Variants in KNL1 observed in about 807,000 individuals in gnomAD.
The protein encoded by KNL1 is outer kinetochore KNL1 complex subunit KNL1.
In KNL1, 66 loss-of-function variants were observed where a neutral mutation model predicts 201.3. That is an observed-to-expected ratio of 0.33 (90% CI 0.27 to 0.40). The LOEUF is 0.40. Among genes scored for constraint, KNL1 ranks in the 10% least tolerant of loss-of-function variants. The probability of loss-of-function intolerance (pLI) is 1.00; values close to 1 mark genes in which losing one functional copy is unlikely to be tolerated. For synonymous variants in KNL1, 895 were observed against 899.2 expected (o/e 1.00, Z 0.08); for missense variants, 2,815 against 2,690.5 (o/e 1.05, Z -1.02).
chr15:40,608,127 A>G (rs1892033670), intron 4 of KNL1, among the ~76,000 whole-genome samples: 1 of 152,188 alleles, frequency 6.6e-6, no homozygotes, highest in African/African-American at 2.4e-5. Context: ...CCTTGAAAAA[A>G]AGAAGGAAAT....
intron 13 of KNL1, among the ~76,000 whole-genome samples, chr15:40,630,073 C>T (rs890563229): frequency 6.6e-6 from 1 of 152,100 alleles, no homozygotes; most frequent in East Asian, 1.9e-4. Flanking sequence ...TGCCTGTAAT[C>T]ACAGCTACTC....
rs1187760989 is a variant in KNL1 at position 40,651,485 on chromosome 15, T to C, written c.6227T>C (p.Leu2076Pro). ...EEELQRNLLE[L>P]EVQKEQTLAQ... ...TTTATTTGCAGAAATCTCTTAGAAC[T>C]GGAGGTACAAAAAGAGCAGACCCTT... is the stretch of plus-strand genomic sequence containing the variant. Residue 2076 changes from leucine to proline, a missense_variant, in exon 20 of 26, where the codon CTG (leucine) becomes CCG (proline). Leu to Pro is a moderately conservative substitution (Grantham distance 98). Around this residue, in one of 3 missense-constraint regions of KNL1, gnomAD observed 334 missense variants for 362.6 expected, o/e 0.92. Transcript: ENST00000399668. 3.7e-6 allele frequency: 6 copies of C among 1,604,506 alleles called. No homozygotes were observed. The highest frequency in any genetic ancestry group is 5.1e-6 in the Non-Finnish European group (6 of 1,176,724).
At chr15:40,634,044 T>TA (rs1239079963) in intron 13 of KNL1, among the ~76,000 whole-genome samples, 71 of 152,168 alleles carry the variant, frequency 4.7e-4, no homozygotes, top group Non-Finnish European at 8.2e-4. Context: ...ATCTTGACCC[T>TA]GTGTAGGCCT....
Position 40,608,927 on chromosome 15 carries a change from T to A in KNL1, c.197+19T>A, listed in dbSNP as rs773881894. 8.4e-6 allele frequency: 13 copies of A among 1,556,764 alleles called. No individual in the cohort carries two copies. In the Admixed American group the frequency reaches 1.0e-4, roughly 12 times the overall value. On this transcript the variant is annotated intron_variant, in intron 5 of 25. Transcript: ENST00000399668. ...CTATAAAGTAAGTTGAAAGCAGAAA[T>A]AACTAAAATATTATAGGTACTGGTA...
chr15:40,602,422 C>T (rs1252955070), intron 1 of KNL1, among the ~76,000 whole-genome samples: 1 of 151,326 alleles, frequency 6.6e-6, no homozygotes, highest in Non-Finnish European at 1.5e-5. Flanking sequence ...AGGCATGAGC[C>T]ACCGCGCCCG....
intron 13 of KNL1, among the ~76,000 whole-genome samples, chr15:40,635,151 C>G (rs1468747235): frequency 1.3e-5 from 2 of 151,494 alleles, no homozygotes; most frequent in African/African-American, 2.4e-5. Context: ...TGGGTTCATG[C>G]CATTCTCCTG....
intron 4 of KNL1, among the ~76,000 whole-genome samples, chr15:40,607,923 T>C (rs1428629820): frequency 1.3e-5 from 2 of 151,964 alleles, no homozygotes; most frequent in Non-Finnish European, 2.9e-5. Flanking sequence ...AATTGCCATA[T>C]GATCCAACAA....
Position 40,650,306 on chromosome 15 carries a change from A to G in KNL1, c.6100A>G (p.Lys2034Glu). 6.2e-7 allele frequency: 1 copy of G among 1,600,532 alleles called. No individual in the cohort carries two copies. Among genetic ancestry groups the G allele is most frequent in the Non-Finnish European group, 8.6e-7 (1 of 1,168,332 alleles). Residue 2034 changes from lysine to glutamate, a missense_variant, in exon 18 of 26, where the codon AAG becomes GAG. Lys to Glu is a moderately conservative substitution (Grantham distance 56). Transcript: ENST00000399668. ...NCLTEMETET[K>E]NLEDEEKNNP... ...ACAAATACTGTCTACTTTAGAAACT[A>G]AGAATTTGGAGGATGAAGAGAAAAA...
At chr15:40,600,466 T>C (rs1244270970) in intron 1 of KNL1, among the ~76,000 whole-genome samples, 2 of 152,222 alleles carry the variant, frequency 1.3e-5, no homozygotes. Context: ...GAAAGGAAGT[T>C]AAATTTTGAT....
At chr15:40,604,989 G>T (rs1891927105) in intron 2 of KNL1, 121 bp from the exon 3 acceptor site, 3 of 609,660 alleles carry the variant, frequency 4.9e-6, no homozygotes, top group Non-Finnish European at 9.1e-6. Context: ...AATTTTGCTT[G>T]CCAGAGTGCT....
chr15:40,646,929 C>T, intron 16 of KNL1, 58 bp from the exon 17 acceptor site: 3 of 735,342 alleles, frequency 4.1e-6, no homozygotes, highest in Admixed American at 2.1e-5. Context: ...CAGTTTGAAC[C>T]ATTTATAATA....
chr15:40,628,569 TA>T (rs1892815772), intron 11 of KNL1, 41 bp from the exon 12 acceptor site: 2 of 1,258,922 alleles, frequency 1.6e-6, no homozygotes, highest in East Asian at 4.7e-5. Context: ...GTTCACAGTT[TA>T]GTTTTGACTT....
At position 40,623,706 on chromosome 15, in the gene KNL1, A is replaced by G. The variant is rs369348708; in HGVS notation, c.3442A>G (p.Ile1148Val). ...CKTLLPNEIA[I>V]RPMDKTVLFT... ...AACTCTCCTGCCAAATGAAATAGCT[A>G]TTAGGCCCATGGACAAAACCGTATT... Residue 1148 changes from isoleucine (I) to valine (V), a missense_variant, in exon 10 of 26, where the codon ATT (isoleucine) becomes GTT (valine). Around this residue, in one of 3 missense-constraint regions of KNL1, gnomAD observed 2,464 missense variants for 2,291.7 expected, o/e 1.08. Transcript: ENST00000399668. The G allele has an allele frequency of 1.2e-4, 201 of 1,614,020 alleles. 1 individual carries two copies. The highest frequency in any genetic ancestry group is 1.6e-4 in the Middle Eastern group (1 of 6,062).
chr15:40,658,527 CAA>C (rs35756393), intron 24 of KNL1, among the ~76,000 whole-genome samples: 2 of 8,802 alleles, frequency 2.3e-4, no homozygotes. Flanking sequence ...GACTCCATCT[CAA>C]AAAAAAAAAA....
At chr15:40,606,250 T>A in intron 3 of KNL1, 143 bp from the exon 4 acceptor site, 1 of 590,520 alleles carries the variant, frequency 1.7e-6, no homozygotes, top group East Asian at 2.8e-5. Context: ...TGCCACACGG[T>A]ATAGCATTGA....
At chr15:40,630,646 A>G (rs1892888151) in intron 13 of KNL1, among the ~76,000 whole-genome samples, 1 of 152,188 alleles carries the variant, frequency 6.6e-6, no homozygotes, top group Non-Finnish European at 1.5e-5. Flanking sequence ...AACTGCACAC[A>G]TGAAGGATCT....
chr15:40,616,118 A>G (rs964714042), intron 8 of KNL1, among the ~76,000 whole-genome samples: 8 of 128,822 alleles, frequency 6.2e-5, no homozygotes, highest in Non-Finnish European at 1.2e-4. Context: ...CAGGCTCACT[A>G]TTACTTCTTT....
At chr15:40,618,244 C>T (rs1892407979) in intron 8 of KNL1, among the ~76,000 whole-genome samples, 1 of 151,924 alleles carries the variant, frequency 6.6e-6, no homozygotes, top group Non-Finnish European at 1.5e-5. Context: ...AACATGACCT[C>T]TTGCGTTAAT....
intron 8 of KNL1, among the ~76,000 whole-genome samples, chr15:40,618,244 C>G (rs1892407979): frequency 6.6e-6 from 1 of 151,924 alleles, no homozygotes; most frequent in South Asian, 2.1e-4. Flanking sequence ...AACATGACCT[C>G]TTGCGTTAAT....
Sources: allele counts gnomAD v4.1 joint callset (sites outside exome capture counted in the v4.1 genomes callset), GRCh38; gene constraint gnomAD v4.1.1; regional missense constraint gnomAD v4.1.1; transcripts MANE v1.5; gene names NCBI Gene and HGNC (gene_info 2026-07-23, HGNC 2026-07-21).